Variants in ACOXL observed in about 807,000 individuals in gnomAD.
The protein encoded by ACOXL is acyl-CoA oxidase like, also known as acyl-coenzyme A oxidase-like protein.
Under a neutral mutation model 71.9 loss-of-function variants are expected in ACOXL, and 70 were observed. The observed-to-expected ratio is 0.97, with a 90% CI of 0.80 to 1.19. The LOEUF (loss-of-function observed/expected upper bound fraction) is 1.19, where lower values mean the gene tolerates loss of function less well. ACOXL is among the 50% of genes most tolerant of loss of function. ACOXL has a pLI of 0.00. For missense variants in ACOXL, 703 were observed against 736.3 expected (o/e 0.95, Z 0.52); for synonymous variants, 253 against 281.6 (o/e 0.90, Z 1.02).
chr2:111,105,833 T>A (rs2069508009), intron 17 of ACOXL, among the ~76,000 whole-genome samples: 1 of 152,204 alleles, frequency 6.6e-6, no homozygotes, highest in Admixed American at 6.5e-5. Context: ...AATTCTTTTC[T>A]TTTAGCACCT....
intron 12 of ACOXL, among the ~76,000 whole-genome samples, chr2:110,937,844 A>G (rs757699344): frequency 4.6e-5 from 7 of 152,158 alleles, no homozygotes; most frequent in Non-Finnish European, 1.0e-4. Context: ...GTTTTTCCTT[A>G]CATAATATGG....
At chr2:110,938,155 A>T (rs181112485) in intron 12 of ACOXL, among the ~76,000 whole-genome samples, 5 of 152,318 alleles carry the variant, frequency 3.3e-5, no homozygotes, top group Admixed American at 3.3e-4. Flanking sequence ...TTAAGGAATG[A>T]GCAAGAGCCT....
chr2:110,787,400 G>A (rs1214641746), intron 3 of ACOXL, among the ~76,000 whole-genome samples: 1 of 151,822 alleles, frequency 6.6e-6, no homozygotes, highest in African/African-American at 2.4e-5. Flanking sequence ...CGGGCGTGGT[G>A]GCAGACGCCT....
At chr2:110,855,576 A>G (rs1477572770) in intron 10 of ACOXL, among the ~76,000 whole-genome samples, 1 of 152,254 alleles carries the variant, frequency 6.6e-6, no homozygotes, top group Non-Finnish European at 1.5e-5. Flanking sequence ...TATGATATGT[A>G]CTGTGAAATG....
At chr2:111,109,116 A>T (rs918708817) in intron 17 of ACOXL, among the ~76,000 whole-genome samples, 9 of 152,194 alleles carry the variant, frequency 5.9e-5, no homozygotes, top group Non-Finnish European at 1.2e-4. Flanking sequence ...ATAGGTATTA[A>T]GGTGCAGTGT....
intron 12 of ACOXL, among the ~76,000 whole-genome samples, chr2:110,958,160 C>G (rs913751040): frequency 3.9e-5 from 6 of 152,164 alleles, no homozygotes; most frequent in Admixed American, 1.3e-4. Context: ...CACACACACT[C>G]TCATGCATAC....
chr2:110,957,743 A>G (rs2061551860), intron 12 of ACOXL, among the ~76,000 whole-genome samples: 1 of 152,096 alleles, frequency 6.6e-6, no homozygotes, highest in Admixed American at 6.5e-5. Context: ...AGATTGTGGG[A>G]GTTAGGACTT....
chr2:110,996,140 G>A (rs1038611255), intron 14 of ACOXL, 136 bp downstream of exon 14: 16 of 683,158 alleles, frequency 2.3e-5, no homozygotes, highest in African/African-American at 2.0e-4. Context: ...GAGTTCCTAC[G>A]GGCCATTTTG....
At chr2:111,018,319 G>C (rs1020541702) in intron 14 of ACOXL, among the ~76,000 whole-genome samples, 1 of 152,148 alleles carries the variant, frequency 6.6e-6, no homozygotes, top group African/African-American at 2.4e-5. Context: ...AACTGAGTCT[G>C]GAATAACAAA....
chr2:111,060,972 C>T (rs1287224496), intron 16 of ACOXL, among the ~76,000 whole-genome samples: 1 of 151,902 alleles, frequency 6.6e-6, no homozygotes, highest in African/African-American at 2.4e-5. Context: ...TGACTCTGTA[C>T]AACAGAAAGA....
chr2:110,878,718 T>C (rs912909515), intron 10 of ACOXL, among the ~76,000 whole-genome samples: 7 of 151,942 alleles, frequency 4.6e-5, no homozygotes, highest in Non-Finnish European at 7.4e-5. Context: ...TGAGCCAGGA[T>C]CATGCCACTG....
intron 9 of ACOXL, among the ~76,000 whole-genome samples, chr2:110,817,263 G>C (rs1324715142): frequency 2.0e-5 from 3 of 152,232 alleles, no homozygotes; most frequent in African/African-American, 4.8e-5. Context: ...ACTCCACCAG[G>C]ATTCCAGTTT....
intron 16 of ACOXL, among the ~76,000 whole-genome samples, chr2:111,083,980 C>A (rs1005864908): frequency 3.3e-5 from 5 of 152,008 alleles, no homozygotes; most frequent in African/African-American, 1.2e-4. Context: ...GGCACATGGA[C>A]TTGTCAGGAA....
chr2:111,022,506 G>T (rs2064815081), intron 14 of ACOXL, among the ~76,000 whole-genome samples: 1 of 152,046 alleles, frequency 6.6e-6, no homozygotes, highest in African/African-American at 2.4e-5. Flanking sequence ...ATAGAGATGG[G>T]GCTGAGCAGA....
At chr2:110,740,926 C>T (rs531653712) in intron 1 of ACOXL, among the ~76,000 whole-genome samples, 1 of 152,322 alleles carries the variant, frequency 6.6e-6, no homozygotes, top group African/African-American at 2.4e-5. Flanking sequence ...GGACAGTTGT[C>T]CTTGGTCCTG....
chr2:111,049,864 T>A (rs1271999820), intron 16 of ACOXL, among the ~76,000 whole-genome samples: 1 of 127,674 alleles, frequency 7.8e-6, no homozygotes, highest in African/African-American at 2.9e-5. Flanking sequence ...CATTTCCAAA[T>A]GGTATAACCT....
intron 1 of ACOXL, among the ~76,000 whole-genome samples, chr2:110,733,686 G>A (rs1290639595): frequency 6.6e-6 from 1 of 152,152 alleles, no homozygotes; most frequent in African/African-American, 2.4e-5. Context: ...TGGAGAATCT[G>A]GGGTTCCTGC....
intron 15 of ACOXL, among the ~76,000 whole-genome samples, chr2:111,041,285 G>A (rs1044996023): frequency 3.3e-5 from 5 of 152,148 alleles, no homozygotes; most frequent in South Asian, 2.1e-4. Context: ...AGGGCGAATC[G>A]CTGCAAGGTG....
intron 16 of ACOXL, among the ~76,000 whole-genome samples, chr2:111,086,204 T>C (rs2068196993): frequency 6.6e-6 from 1 of 152,144 alleles, no homozygotes; most frequent in South Asian, 2.1e-4. Context: ...CCTCCCCAAC[T>C]CATTCTATGA....
Sources: gnomAD v4.1 joint callset for allele counts (sites outside exome capture counted in the v4.1 genomes callset) on GRCh38, gnomAD v4.1.1 for gene constraint, MANE v1.5 for transcripts, NCBI Gene and HGNC (gene_info 2026-07-23, HGNC 2026-07-21) for gene names.